Variants in PSD3 observed in about 807,000 individuals in gnomAD.
The protein encoded by PSD3 is pleckstrin and Sec7 domain containing 3, also known as PH and SEC7 domain-containing protein 3.
In PSD3, 49 loss-of-function variants were observed where a neutral mutation model predicts 105.5. The ratio of observed to expected loss-of-function variants is 0.46; its 90% CI spans 0.37 to 0.59. The LOEUF is 0.59. Among genes scored for constraint, PSD3 ranks in the 20% least tolerant of loss-of-function variants. PSD3 has a pLI of 0.00. For synonymous variants in PSD3, 557 were observed against 457.8 expected, an observed-to-expected ratio of 1.22 and a Z score of -2.77; for missense variants, 1,561 against 1,263.8, an observed-to-expected ratio of 1.24 and a Z score of -3.57.
intron 10 of PSD3, among the ~76,000 whole-genome samples, chr8:18,648,193 G>C (rs117513446): frequency 0.026 from 3,968 of 152,330 alleles, 93 homozygotes; most frequent in South Asian, 0.062. Flanking sequence ...GGTTGGAAGA[G>C]TGTGGATGGC....
At chr8:19,061,758 T>C (rs1473212601) in intron 1 of PSD3, among the ~76,000 whole-genome samples, 1 of 151,354 alleles carries the variant, frequency 6.6e-6, no homozygotes, top group Non-Finnish European at 1.5e-5. Flanking sequence ...TGAGCCAAGA[T>C]TGTGCCACTC....
intron 4 of PSD3, among the ~76,000 whole-genome samples, chr8:18,810,295 G>A (rs776690059): frequency 2.6e-5 from 4 of 152,112 alleles, no homozygotes; most frequent in African/African-American, 4.8e-5. Context: ...CAAGAACACA[G>A]CCATCTGCCA....
At chr8:19,007,106 A>T (rs1266196403) in intron 1 of PSD3, among the ~76,000 whole-genome samples, 4 of 151,972 alleles carry the variant, frequency 2.6e-5, no homozygotes, top group African/African-American at 9.7e-5. Flanking sequence ...AATACGAAAC[A>T]GCCAGGCATG....
rs996027054 is a variant in PSD3 at position 18,619,604 on chromosome 8, C to T, written c.2410+13009G>A. 1.4e-4 allele frequency among the ~76,000 whole-genome samples: 21 copies of T among 151,062 alleles called. No homozygotes were observed. In the Admixed American group the frequency reaches 1.4e-3, roughly 10 times the overall value. Reference sequence around the variant, plus strand: ...GTTGTAGTGAGCTGAGATCACGCCACTGCACTCCAGCCTGGGCAACAAGAG... The same window carrying T: ...GTTGTAGTGAGCTGAGATCACGCCATTGCACTCCAGCCTGGGCAACAAGAG... On this transcript the variant is annotated intron_variant, in intron 11 of 15. Coordinates refer to ENST00000327040, the MANE Select transcript of PSD3 (RefSeq NM_015310.4).
At chr8:18,553,233 G>A (rs1800880834) in intron 15 of PSD3, among the ~76,000 whole-genome samples, 1 of 152,192 alleles carries the variant, frequency 6.6e-6, no homozygotes, top group Non-Finnish European at 1.5e-5. Context: ...GCCCTGTTGA[G>A]GAGGACCCAC....
At chr8:18,840,321 T>C (rs1331353458) in intron 4 of PSD3, among the ~76,000 whole-genome samples, 1 of 152,190 alleles carries the variant, frequency 6.6e-6, no homozygotes, top group Non-Finnish European at 1.5e-5. Flanking sequence ...GTGATGAACA[T>C]GTTGGCCTCC....
chr8:18,575,617 A>G (rs1802419777), intron 12 of PSD3, among the ~76,000 whole-genome samples: 3 of 152,202 alleles, frequency 2.0e-5, no homozygotes, highest in Admixed American at 2.0e-4. Context: ...TAATGAACAG[A>G]AATGAGACTT....
intron 10 of PSD3, among the ~76,000 whole-genome samples, chr8:18,635,494 A>G (rs190683157): frequency 1.4e-3 from 219 of 152,240 alleles, no homozygotes; most frequent in African/African-American, 5.2e-3. Flanking sequence ...TTACCATACT[A>G]TGCTTTTCAG....
chr8:18,605,559 G>A (rs116064184), intron 11 of PSD3, among the ~76,000 whole-genome samples: 36 of 152,254 alleles, frequency 2.4e-4, no homozygotes, highest in Middle Eastern at 3.4e-3. Flanking sequence ...AATGAGTTAA[G>A]ACTTTGGGGA....
At chr8:18,981,251 C>T (rs1825238613) in intron 1 of PSD3, among the ~76,000 whole-genome samples, 1 of 152,106 alleles carries the variant, frequency 6.6e-6, no homozygotes, top group South Asian at 2.1e-4. Flanking sequence ...GGTTTCAAGA[C>T]ATGTAAAAAT....
intron 10 of PSD3, among the ~76,000 whole-genome samples, chr8:18,653,432 T>C (rs1808666190): frequency 6.6e-6 from 1 of 152,090 alleles, no homozygotes; most frequent in Non-Finnish European, 1.5e-5. Flanking sequence ...AAGAGCAACT[T>C]GCTTTATGTT....
chr8:18,604,759 C>T (rs1312680821), intron 11 of PSD3, among the ~76,000 whole-genome samples: 2 of 152,190 alleles, frequency 1.3e-5, no homozygotes, highest in Non-Finnish European at 2.9e-5. Flanking sequence ...CCTCGGGACA[C>T]TGCTCCTTGC....
intron 1 of PSD3, among the ~76,000 whole-genome samples, chr8:18,976,858 A>G (rs1332589573): frequency 2.0e-5 from 3 of 152,212 alleles, no homozygotes; most frequent in Admixed American, 6.5e-5. Flanking sequence ...TTGTCCATCA[A>G]TAGTTAAGGG....
intron 9 of PSD3, among the ~76,000 whole-genome samples, chr8:18,678,940 T>G (rs1015305941): frequency 8.2e-6 from 1 of 122,284 alleles, no homozygotes; most frequent in African/African-American, 2.7e-5. Context: ...GCTTAAGTTT[T>G]TCTTTTAATA....
intron 11 of PSD3, among the ~76,000 whole-genome samples, chr8:18,605,489 G>A (rs1016482827): frequency 3.9e-5 from 6 of 152,140 alleles, no homozygotes; most frequent in Non-Finnish European, 8.8e-5. Flanking sequence ...TTCATAGGTA[G>A]AAGGAACTAG....
chr8:18,848,318 T>G (rs568826213), intron 4 of PSD3, among the ~76,000 whole-genome samples: 1 of 152,310 alleles, frequency 6.6e-6, no homozygotes, highest in South Asian at 2.1e-4. Flanking sequence ...ACATGGATTT[T>G]GATACTGAAT....
At chr8:18,800,742 A>G (rs765688771) in intron 7 of PSD3, among the ~76,000 whole-genome samples, 7 of 152,350 alleles carry the variant, frequency 4.6e-5, no homozygotes, top group East Asian at 1.9e-4. Flanking sequence ...AGTATAGTAC[A>G]ATTAATATCA....
intron 9 of PSD3, among the ~76,000 whole-genome samples, chr8:18,759,390 A>C (rs1289206304): frequency 1.3e-5 from 2 of 152,110 alleles, no homozygotes; most frequent in Non-Finnish European, 2.9e-5. Flanking sequence ...AAATACATTC[A>C]AGGTATGTTT....
chr8:18,988,220 G>C (rs937498846), intron 1 of PSD3, among the ~76,000 whole-genome samples: 55 of 152,060 alleles, frequency 3.6e-4, no homozygotes, highest in African/African-American at 1.3e-3. Flanking sequence ...TAAAACATGT[G>C]AGTCCTTTGC....
Sources: gnomAD v4.1 joint callset for allele counts (sites outside exome capture counted in the v4.1 genomes callset) on GRCh38, gnomAD v4.1.1 for gene constraint, MANE v1.5 for transcripts, NCBI Gene and HGNC (gene_info 2026-07-23, HGNC 2026-07-21) for gene names.